Variants in AFTPH observed in about 807,000 individuals in gnomAD.
AFTPH encodes aftiphilin protein.
Under a neutral mutation model 72.5 loss-of-function variants are expected in AFTPH, and 7 were observed. The observed-to-expected ratio is 0.10, with a 90% CI of 0.05 to 0.18. AFTPH has a LOEUF of 0.18. AFTPH is among the 10% of genes least tolerant of loss of function. The pLI is 1.00. For synonymous variants in AFTPH, 337 were observed against 370.1 expected (o/e 0.91, Z 1.03); for missense variants, 979 against 1,060.5 (o/e 0.92, Z 1.07).
intron 6 of AFTPH, among the ~76,000 whole-genome samples, chr2:64,577,455 A>G (rs936493144): frequency 2.6e-5 from 4 of 152,238 alleles, no homozygotes; most frequent in African/African-American, 9.6e-5. Context: ...TCAGCAAATC[A>G]TTAAATCATT....
chr2:64,527,631 A>G lies in AFTPH; in HGVS notation c.-33+3019A>G, dbSNP rs180827596. Among the ~76,000 whole-genome samples, 231 of 152,308 alleles carry G rather than the reference A, an allele frequency of 1.5e-3. 1 individual carries two copies. The highest frequency in any genetic ancestry group is 2.8e-3 in the Non-Finnish European group (189 of 68,022). ...TTAGGTATTTAACTTTAAAACATAT[A>G]TAAAGTATCACTCTTCTTTCAGCAT... is the stretch of plus-strand genomic sequence containing the variant. On this transcript the variant is annotated intron_variant, in intron 1 of 8. Coordinates refer to ENST00000238856, the Ensembl canonical transcript of AFTPH.
intron 1 of AFTPH, among the ~76,000 whole-genome samples, chr2:64,527,213 G>A (rs536067895): frequency 6.6e-6 from 1 of 152,270 alleles, no homozygotes; most frequent in South Asian, 2.1e-4. Context: ...TAACACACCT[G>A]GGTGATGGTT....
chr2:64,537,034 A>C (rs1384679908), intron 1 of AFTPH, among the ~76,000 whole-genome samples: 1 of 151,602 alleles, frequency 6.6e-6, no homozygotes, highest in Non-Finnish European at 1.5e-5. Context: ...TATTTTAGAC[A>C]CTTTGCCCTA....
intron 1 of AFTPH, among the ~76,000 whole-genome samples, chr2:64,545,682 C>G (rs539236164): frequency 3.1e-5 from 4 of 129,496 alleles, no homozygotes; most frequent in African/African-American, 1.2e-4. Context: ...GAAAAAAATT[C>G]AGCCTCAAAG....
intron 2 of AFTPH, among the ~76,000 whole-genome samples, chr2:64,564,841 T>C (rs1004524875): frequency 8.7e-5 from 12 of 138,176 alleles, no homozygotes; most frequent in Non-Finnish European, 1.8e-4. Flanking sequence ...ATTGATACAC[T>C]TTTTTTTTTT....
chr2:64,549,430 C>T (rs1558603767), intron 1 of AFTPH, among the ~76,000 whole-genome samples: 2 of 146,298 alleles, frequency 1.4e-5, no homozygotes, highest in Non-Finnish European at 3.0e-5. Flanking sequence ...AAGTGATTCT[C>T]CTGCCTCAGC....
At chr2:64,591,770 G>GA (rs1272699541) in intron 8 of AFTPH, 118 bp from the exon 10 acceptor site, 3 of 1,106,496 alleles carry the variant, frequency 2.7e-6, no homozygotes, top group African/African-American at 1.6e-5. Context: ...ACTAGCAGAG[G>GA]AAAAAATACT....
chr2:64,586,180 GA>G (rs2104240579), intron 8 of AFTPH, among the ~76,000 whole-genome samples: 2 of 152,278 alleles, frequency 1.3e-5, no homozygotes, highest in South Asian at 4.1e-4. Context: ...CCATTGCTTT[GA>G]GTTATTGTTA....
At chr2:64,574,811 C>T (rs528076003) in intron 6 of AFTPH, among the ~76,000 whole-genome samples, 1 of 152,318 alleles carries the variant, frequency 6.6e-6, no homozygotes, top group Admixed American at 6.5e-5. Context: ...AATTTTGCTG[C>T]CCTGATACGC....
chr2:64,535,593 A>G (rs1396518406), intron 1 of AFTPH, among the ~76,000 whole-genome samples: 14 of 151,392 alleles, frequency 9.2e-5, no homozygotes, highest in Admixed American at 8.5e-4. Context: ...AACTGAATGT[A>G]TGAATAAACT....
At chr2:64,572,463 G>A (rs1672497328) in intron 5 of AFTPH, among the ~76,000 whole-genome samples, 1 of 152,132 alleles carries the variant, frequency 6.6e-6, no homozygotes, top group South Asian at 2.1e-4. Flanking sequence ...TACAAAGGGT[G>A]CCGTTTCTTA....
At chr2:64,583,348 A>G (rs1437065182) in intron 7 of AFTPH, among the ~76,000 whole-genome samples, 2 of 151,342 alleles carry the variant, frequency 1.3e-5, no homozygotes, top group Non-Finnish European at 2.9e-5. Flanking sequence ...CATTAAAAAA[A>G]TTACTCTCCA....
chr2:64,579,658 T>C, intron 7 of AFTPH, 112 bp downstream of exon 7: 1 of 937,272 alleles, frequency 1.1e-6, no homozygotes, highest in Non-Finnish European at 1.6e-6. Context: ...AACTTATTCT[T>C]ATCTTTGGAA....
intron 7 of AFTPH, among the ~76,000 whole-genome samples, chr2:64,584,040 A>AT (rs1373739626): frequency 2.6e-5 from 4 of 152,094 alleles, no homozygotes; most frequent in Non-Finnish European, 4.4e-5. Flanking sequence ...CTTACAGGGC[A>AT]TTTTTTTAAA....
exon 2 of AFTPH, chr2:64,551,609 T>G (rs1411352878): frequency 6.2e-7 from 1 of 1,614,096 alleles, no homozygotes; most frequent in Non-Finnish European, 8.5e-7. Flanking sequence ...TAGGGTTTGT[T>G]GATTTCGATA....
intron 1 of AFTPH, among the ~76,000 whole-genome samples, chr2:64,547,155 C>A (rs1183866049): frequency 6.6e-6 from 1 of 152,210 alleles, no homozygotes; most frequent in Non-Finnish European, 1.5e-5. Flanking sequence ...AAGTAGATGA[C>A]TCACAATCAT....
chr2:64,576,239 C>T (rs778207307), intron 6 of AFTPH, among the ~76,000 whole-genome samples: 1 of 150,088 alleles, frequency 6.7e-6, no homozygotes, highest in Non-Finnish European at 1.5e-5. Context: ...TACTTTTTGG[C>T]CATGCAGGAA....
At chr2:64,528,913 G>A (rs1026961464) in intron 1 of AFTPH, among the ~76,000 whole-genome samples, 8 of 152,140 alleles carry the variant, frequency 5.3e-5, no homozygotes, top group African/African-American at 1.9e-4. Context: ...GATCTGTCTA[G>A]CTGTTATATA....
intron 8 of AFTPH, among the ~76,000 whole-genome samples, chr2:64,586,906 A>G (rs1673552057): frequency 6.6e-6 from 1 of 152,258 alleles, no homozygotes; most frequent in African/African-American, 2.4e-5. Flanking sequence ...CTTAAAAACC[A>G]AAAAGGATGC....
Sources: gnomAD v4.1 joint callset for allele counts (sites outside exome capture counted in the v4.1 genomes callset) on GRCh38, gnomAD v4.1.1 for gene constraint, MANE v1.5 for transcripts, NCBI Gene and HGNC (gene_info 2026-07-23, HGNC 2026-07-21) for gene names.